SLC4A5: variants seen among roughly 807,000 people sequenced by gnomAD.
SLC4A5 encodes the protein electrogenic sodium bicarbonate cotransporter 4.
In SLC4A5, 96 loss-of-function variants were observed where a neutral mutation model predicts 120.4. The ratio of observed to expected loss-of-function variants is 0.80; its 90% CI spans 0.68 to 0.94. The LOEUF is 0.94. Among genes scored for constraint, SLC4A5 ranks in the 40% least tolerant of loss-of-function variants. SLC4A5 has a pLI of 0.00. For synonymous variants in SLC4A5, 550 were observed against 571.1 expected (o/e 0.96, Z 0.53); for missense variants, 1,259 against 1,459.5 (o/e 0.86, Z 2.24).
At chr2:74,264,362 T>G (rs1671235236) in intron 9 of SLC4A5, 63 bp from the exon 10 acceptor site, 1 of 1,531,188 alleles carries the variant, frequency 6.5e-7, no homozygotes, top group Admixed American at 2.0e-5. Flanking sequence ...TATGGAAGTC[T>G]TCAGTTTCAC....
chr2:74,317,570 A>G (rs1672998959), intron 5 of SLC4A5, among the ~76,000 whole-genome samples: 1 of 152,202 alleles, frequency 6.6e-6, no homozygotes, highest in Admixed American at 6.5e-5. Context: ...AGTCTCCTAT[A>G]ATGCCCTTTC....
chr2:74,285,807 C>A, exon 8 of SLC4A5: 2 of 1,612,294 alleles, frequency 1.2e-6, no homozygotes, highest in South Asian at 2.2e-5. Flanking sequence ...TGGTCTCCGT[C>A]ATGCTGCAGA....
chr2:74,285,756 G>T lies in SLC4A5; in HGVS notation c.401+17C>A, dbSNP rs375403547. 3 of 1,606,758 alleles carry T rather than the reference G, an allele frequency of 1.9e-6. No individual in the cohort carries two copies. The highest frequency in any genetic ancestry group is 1.3e-5 in the African/African-American group (1 of 74,734). ...TGAGACTGAAGTGCCCACCTCCCTC[G>T]TGGGGCCCCGCCTCACCTGGCTGAC... On this transcript the variant is annotated intron_variant, in intron 8 of 30. Transcript: ENST00000394019.
intron 5 of SLC4A5, 34 bp from the exon 6 acceptor site, chr2:74,315,059 A>C: frequency 6.5e-7 from 1 of 1,539,950 alleles, no homozygotes; most frequent in Non-Finnish European, 9.0e-7. Context: ...CTCAAAATGT[A>C]TACATTAAAA....
intron 8 of SLC4A5, among the ~76,000 whole-genome samples, chr2:74,274,533 A>C (rs1387555524): frequency 6.6e-6 from 1 of 152,214 alleles, no homozygotes; most frequent in African/African-American, 2.4e-5. Context: ...GGCATGGGTC[A>C]AGGGTCAGCA....
intron 8 of SLC4A5, among the ~76,000 whole-genome samples, chr2:74,272,260 G>A (rs763387403): frequency 3.9e-5 from 6 of 152,152 alleles, no homozygotes; most frequent in Non-Finnish European, 5.9e-5. Flanking sequence ...TTGAAGCTGG[G>A]TGATGGGCAG....
At chr2:74,286,782 G>A (rs1320276490) in intron 7 of SLC4A5, among the ~76,000 whole-genome samples, 3 of 152,298 alleles carry the variant, frequency 2.0e-5, no homozygotes. Flanking sequence ...GGGGACACTG[G>A]AGCTGTGACT....
chr2:74,338,078 C>T (rs1673538644), intron 3 of SLC4A5, among the ~76,000 whole-genome samples: 1 of 152,070 alleles, frequency 6.6e-6, no homozygotes, highest in Non-Finnish European at 1.5e-5. Context: ...GGGTCAGGTG[C>T]TTGGTAGTTA....
intron 8 of SLC4A5, among the ~76,000 whole-genome samples, chr2:74,277,234 G>C (rs1262478487): frequency 6.6e-6 from 1 of 152,184 alleles, no homozygotes; most frequent in African/African-American, 2.4e-5. Context: ...TGCTGGGTGG[G>C]GGGCTCTTGA....
At chr2:74,241,850 G>A (rs1212150757) in intron 20 of SLC4A5, 144 bp downstream of exon 20, 6 of 576,022 alleles carry the variant, frequency 1.0e-5, no homozygotes, top group South Asian at 3.5e-5. Context: ...CATTTACAAA[G>A]CTCTGCAGGT....
exon 19 of SLC4A5, chr2:74,247,233 A>G: frequency 6.2e-7 from 1 of 1,614,228 alleles, no homozygotes; most frequent in Non-Finnish European, 8.5e-7. Context: ...ATCTGTGGCC[A>G]CTAGGATAAG....
chr2:74,233,449 G>C (rs1358087719), exon 23 of SLC4A5: 10 of 1,614,216 alleles, frequency 6.2e-6, no homozygotes, highest in Non-Finnish European at 8.5e-6. Flanking sequence ...GTGATCTGCT[G>C]GTCCATGAAG....
At chr2:74,309,960 C>T (rs1004221462) in intron 6 of SLC4A5, among the ~76,000 whole-genome samples, 1 of 152,020 alleles carries the variant, frequency 6.6e-6, no homozygotes, top group African/African-American at 2.4e-5. Flanking sequence ...CCGTGCCTGG[C>T]CAAAATATTT....
rs1467065761 is a variant in SLC4A5, at chr2:74,255,337, G to A, written c.1025+438C>T. 6.6e-6 allele frequency among the ~76,000 whole-genome samples: 1 copy of A among 152,098 alleles called. No homozygotes were observed. Among genetic ancestry groups the A allele is most frequent in the Non-Finnish European group, 1.5e-5 (1 of 68,016 alleles). ...AGACGCAGTCTTGCTCTGTTGCCCAGGCTGGGGTGCAATAGCATGATCTCG... is the reference window on the plus strand; with the variant it reads ...AGACGCAGTCTTGCTCTGTTGCCCAAGCTGGGGTGCAATAGCATGATCTCG... On this transcript the variant is annotated intron_variant, in intron 13 of 30. Transcript: ENST00000394019. The surrounding 1 kb of genome is among the most constrained non-coding windows in gnomAD (Gnocchi z 4.0).
intron 30 of SLC4A5, among the ~76,000 whole-genome samples, 200 bp downstream of exon 30, chr2:74,221,234 G>A (rs912674642): frequency 7.2e-5 from 11 of 152,184 alleles, no homozygotes; most frequent in African/African-American, 2.2e-4. Context: ...TAACCATGTT[G>A]TTAAGTCAGT....
chr2:74,308,738 ATT>A (rs201646465), intron 6 of SLC4A5, among the ~76,000 whole-genome samples: 5,896 of 143,892 alleles, frequency 0.041, 401 homozygotes, highest in African/African-American at 0.14. Flanking sequence ...CCAGCTTATC[ATT>A]TTTTTTTTTT....
intron 20 of SLC4A5, 90 bp from the exon 21 acceptor site, chr2:74,239,625 T>G: frequency 7.6e-7 from 1 of 1,317,990 alleles, no homozygotes; most frequent in Non-Finnish European, 1.1e-6. Flanking sequence ...GCAGCCAGCA[T>G]ACCTTCCCAC....
chr2:74,307,053 T>C, intron 6 of SLC4A5: 2 of 568,924 alleles, frequency 3.5e-6, no homozygotes, highest in Non-Finnish European at 6.6e-6. Flanking sequence ...CCTCAGGCTG[T>C]TTCCCAAGCT....
intron 8 of SLC4A5, among the ~76,000 whole-genome samples, chr2:74,274,765 A>C (rs1368177831): frequency 1.3e-5 from 2 of 152,236 alleles, no homozygotes; most frequent in Non-Finnish European, 2.9e-5. Context: ...TGAGATTTAC[A>C]ATCGTTATAG....
Sources: allele counts gnomAD v4.1 joint callset (sites outside exome capture counted in the v4.1 genomes callset), GRCh38; gene constraint gnomAD v4.1.1; non-coding constraint Gnocchi (gnomAD v3.1); transcripts MANE v1.5; gene names NCBI Gene and HGNC (gene_info 2026-07-23, HGNC 2026-07-21).